Variants in USP48 observed in about 807,000 individuals in gnomAD.
The protein encoded by USP48 is ubiquitin specific peptidase 48.
Under a neutral mutation model 150.7 loss-of-function variants are expected in USP48, and 43 were observed. The ratio of observed to expected loss-of-function variants is 0.29; its 90% CI spans 0.22 to 0.37. USP48 has a LOEUF of 0.37. Among genes scored for constraint, USP48 ranks in the 10% least tolerant of loss-of-function variants. USP48 has a pLI of 1.00. For synonymous variants in USP48, 396 were observed against 425.9 expected, an observed-to-expected ratio of 0.93 and a Z score of 0.86; for missense variants, 813 against 1,249.6, an observed-to-expected ratio of 0.65 and a Z score of 5.27.
chr1:21,703,378 C>T lies in USP48; in HGVS notation c.2622+134G>A, dbSNP rs991768326. ...TTCATTTTCAATTATTGTCCAATTT[C>T]AATTCTGATGCCAAACAGCTCTGAA... On this transcript the variant is annotated intron_variant, in intron 21 of 26. Coordinates refer to ENST00000308271, the MANE Select transcript of USP48 (RefSeq NM_032236.8). The T allele has an allele frequency of 1.3e-5, 7 of 544,564 alleles. No homozygotes were observed. In the African/African-American group the frequency reaches 1.3e-4, roughly 10 times the overall value. 33.7% of individuals were successfully genotyped at this position (544,564 alleles called of 1,614,324 possible).
intron 23 of USP48, among the ~76,000 whole-genome samples, chr1:21,690,510 T>TTTTTTC (rs1349308142): frequency 6.6e-6 from 1 of 151,434 alleles, no homozygotes; most frequent in Non-Finnish European, 1.5e-5. Context: ...AAATTCTTTC[T>TTTTTTC]TTTTTCTTTT....
At chr1:21,742,223 C>A (rs1449821780) in intron 8 of USP48, among the ~76,000 whole-genome samples, 3 of 152,116 alleles carry the variant, frequency 2.0e-5, no homozygotes, top group Non-Finnish European at 4.4e-5. Context: ...AAAAGCCTAT[C>A]TTCCTAACCT....
chr1:21,704,391 T>C lies in USP48; in HGVS notation c.2386A>G (p.Ile796Val), dbSNP rs61749350. 23,454 of 1,594,628 alleles carry C rather than the reference T, an allele frequency of 0.015. 194 individuals are homozygous for C. Among genetic ancestry groups the C allele is most frequent in the African/African-American group, 0.025 (1,833 of 73,528 alleles). Residue 796 changes from isoleucine to valine, a missense_variant and splice_region_variant, in exon 20 of 27, where the codon ATA becomes GTA. By Grantham distance (29) the Ile-to-Val change is conservative. Coordinates refer to ENST00000308271, the MANE Select transcript of USP48 (RefSeq NM_032236.8). The stretch of plus-strand genomic sequence containing the variant: ...CACTCACTGGGCCATATGAGAGCTA[T>C]ACTGTGCAAAAAAAAAACACAACAT... ...ASMTKEDSKL[I>V]ALIWPSEWQM...
At chr1:21,770,108 A>G (rs550861506) in intron 1 of USP48, among the ~76,000 whole-genome samples, 6 of 151,666 alleles carry the variant, frequency 4.0e-5, no homozygotes, top group Non-Finnish European at 1.5e-5. Context: ...AGATTGCTTG[A>G]GCCCAGGAGT....
At chr1:21,700,783 C>T (rs1187818012) in intron 22 of USP48, among the ~76,000 whole-genome samples, 1 of 152,170 alleles carries the variant, frequency 6.6e-6, no homozygotes, top group Non-Finnish European at 1.5e-5. Flanking sequence ...TCTCAAAAGA[C>T]AATTTATGGG....
At chr1:21,724,699 T>C (rs1405339906) in intron 11 of USP48, 2 of 152,608 alleles carry the variant, frequency 1.3e-5, no homozygotes, top group Admixed American at 1.3e-4. Flanking sequence ...AGTCATGATC[T>C]CTTCATTATA....
chr1:21,749,880 G>A lies in USP48; in HGVS notation c.775-1609C>T, dbSNP rs532103628. ...AGTCTCATAAAGTGCTGGGATTATA[G>A]ACATGAGCCACCACATCTGGCTCCG... On this transcript the variant is annotated intron_variant, in intron 6 of 26. Coordinates refer to ENST00000308271, the MANE Select transcript of USP48 (RefSeq NM_032236.8). 3.3e-5 allele frequency among the ~76,000 whole-genome samples: 5 copies of A among 152,250 alleles called. No homozygotes were observed. In the East Asian group the frequency reaches 9.6e-4, roughly 29 times the overall value.
At chr1:21,706,057 T>G in intron 18 of USP48, 69 bp downstream of exon 18, 1 of 1,508,858 alleles carries the variant, frequency 6.6e-7, no homozygotes, top group Non-Finnish European at 9.2e-7. Flanking sequence ...GAATCCACGA[T>G]ATCTTAAAAA....
intron 5 of USP48, 116 bp downstream of exon 5, chr1:21,752,411 T>A: frequency 8.2e-7 from 1 of 1,226,712 alleles, no homozygotes; most frequent in Non-Finnish European, 1.1e-6. Flanking sequence ...TATAAATATT[T>A]CAGGTCCCAT....
chr1:21,766,643 T>C (rs2097862969), intron 1 of USP48, among the ~76,000 whole-genome samples: 2 of 152,164 alleles, frequency 1.3e-5, no homozygotes, highest in Admixed American at 6.6e-5. Context: ...CAAATGGTCA[T>C]TTACAGAGGT....
At chr1:21,757,435 TA>T in intron 2 of USP48, 1 of 373,872 alleles carries the variant, frequency 2.7e-6, no homozygotes, top group Non-Finnish European at 4.7e-6. Flanking sequence ...GCATTCAAAC[TA>T]AAACTATTAT....
intron 22 of USP48, among the ~76,000 whole-genome samples, chr1:21,697,594 C>T (rs1388766742): frequency 1.4e-5 from 2 of 148,014 alleles, no homozygotes; most frequent in Non-Finnish European, 3.0e-5. Flanking sequence ...ACCCGGGAGG[C>T]AGAGCTTGCA....
At position 21,726,048 on chromosome 1, in the gene USP48, T is replaced by C. The variant is rs140524821; in HGVS notation, c.1451-1953A>G. On this transcript the variant is annotated intron_variant, in intron 11 of 26. Transcript: ENST00000308271. The stretch of plus-strand genomic sequence containing the variant: ...GGCTATCAAAGGAGAAAAAACAGGA[T>C]TGTGATAAAGAGCAACATTCAAGAA... Among the ~76,000 whole-genome samples, 337 of 152,046 alleles carry C rather than the reference T, an allele frequency of 2.2e-3. 2 individuals are homozygous for C. Among genetic ancestry groups the C allele is most frequent in the African/African-American group, 7.0e-3 (290 of 41,460 alleles).
intron 11 of USP48, among the ~76,000 whole-genome samples, chr1:21,725,803 C>T (rs181941299): frequency 1.3e-5 from 2 of 151,804 alleles, no homozygotes; most frequent in Non-Finnish European, 2.9e-5. Flanking sequence ...AACACAGCTG[C>T]AGCACTTTAC....
chr1:21,738,909 T>C (rs1557537682), intron 8 of USP48, among the ~76,000 whole-genome samples: 1 of 152,146 alleles, frequency 6.6e-6, no homozygotes, highest in East Asian at 1.9e-4. Flanking sequence ...GATTAATACC[T>C]GGGCCAAAAC....
chr1:21,713,341 T>C (rs2097695562), intron 15 of USP48, among the ~76,000 whole-genome samples: 1 of 152,164 alleles, frequency 6.6e-6, no homozygotes, highest in Non-Finnish European at 1.5e-5. Context: ...ACTCTTGGAC[T>C]CAAGTGATCC....
intron 23 of USP48, 74 bp from the exon 24 acceptor site, chr1:21,690,173 T>C (rs928846838): frequency 3.7e-5 from 50 of 1,366,982 alleles, no homozygotes; most frequent in Non-Finnish European, 4.7e-5. Flanking sequence ...AAATAAATTA[T>C]GCATGGATTC....
intron 3 of USP48, among the ~76,000 whole-genome samples, chr1:21,753,371 G>C (rs191423844): frequency 2.0e-5 from 3 of 152,046 alleles, no homozygotes; most frequent in Non-Finnish European, 4.4e-5. Context: ...GGCCAATATG[G>C]AGAAACCCCG....
intron 18 of USP48, 64 bp from the exon 19 acceptor site, chr1:21,705,901 A>G: frequency 1.5e-6 from 2 of 1,315,568 alleles, no homozygotes; most frequent in Non-Finnish European, 2.1e-6. Flanking sequence ...AGAAGATTTT[A>G]AAATAATTAT....
Sources: gnomAD v4.1 joint callset for allele counts (sites outside exome capture counted in the v4.1 genomes callset) on GRCh38, gnomAD v4.1.1 for gene constraint, MANE v1.5 for transcripts, NCBI Gene and HGNC (gene_info 2026-07-23, HGNC 2026-07-21) for gene names.